Variants in LYPLA1 observed in about 807,000 individuals in gnomAD.
The protein encoded by LYPLA1 is lysophospholipase 1.
Under a neutral mutation model 34.0 loss-of-function variants are expected in LYPLA1, and 17 were observed. That is an observed-to-expected ratio of 0.50 (90% confidence interval 0.34 to 0.75). The LOEUF is 0.75. Among genes scored for constraint, LYPLA1 ranks in the 30% least tolerant of loss-of-function variants. The pLI is 0.01. For missense variants in LYPLA1, 203 were observed against 288.8 expected, an observed-to-expected ratio of 0.70 and a Z score of 2.15; for synonymous variants, 98 against 100.8, an observed-to-expected ratio of 0.97 and a Z score of 0.17.
intron 2 of LYPLA1, among the ~76,000 whole-genome samples, chr8:54,066,944 C>T (rs1411159497): frequency 1.3e-5 from 2 of 152,030 alleles, no homozygotes; most frequent in Non-Finnish European, 2.9e-5. Flanking sequence ...CTGAAGCATG[C>T]GGATCACTTG....
chr8:54,091,983 G>A (rs969151197), intron 2 of LYPLA1, among the ~76,000 whole-genome samples: 1 of 151,818 alleles, frequency 6.6e-6, no homozygotes, highest in Non-Finnish European at 1.5e-5. Context: ...AGTCACTTGG[G>A]AGGCTGAACC....
intron 2 of LYPLA1, among the ~76,000 whole-genome samples, chr8:54,084,124 G>GGAAAAAAAAAAAAAAA (rs1554547911): frequency 3.5e-5 from 2 of 56,386 alleles, no homozygotes; most frequent in Admixed American, 1.8e-4. Flanking sequence ...GGAGACCAAA[G>GGAAAAAAAAAAAAAAA]AAAAAAAAAA....
intron 4 of LYPLA1, among the ~76,000 whole-genome samples, chr8:54,063,026 C>T (rs1806775332): frequency 6.6e-6 from 1 of 152,088 alleles, no homozygotes; most frequent in Non-Finnish European, 1.5e-5. Flanking sequence ...GATGAAGAGG[C>T]TGTGGTTTAA....
rs763907447 is a variant in LYPLA1 at position 54,101,848 on chromosome 8, G to A, written c.-25C>T. 9.7e-6 allele frequency: 12 copies of A among 1,241,160 alleles called. No homozygotes were observed. In the East Asian group the frequency reaches 3.9e-4, roughly 40 times the overall value. 76.9% of individuals were successfully genotyped at this position (1,241,160 alleles called of 1,614,324 possible). ...TACACCGCCTCAGCTCACAGCGCAA[G>A]CGGAAGGAAGAGCGGGCGCCCGGCC... is the stretch of plus-strand genomic sequence containing the variant. On this transcript the variant is annotated 5_prime_UTR_variant, in exon 1 of 9. Transcript: ENST00000316963.
chr8:54,067,353 T>C (rs1368557553), intron 2 of LYPLA1, among the ~76,000 whole-genome samples: 1 of 152,076 alleles, frequency 6.6e-6, no homozygotes, highest in Non-Finnish European at 1.5e-5. Context: ...AAAAAAAAAT[T>C]TTTTAATCCA....
intron 2 of LYPLA1, among the ~76,000 whole-genome samples, chr8:54,090,398 G>T (rs1332290625): frequency 2.6e-5 from 4 of 152,118 alleles, no homozygotes; most frequent in African/African-American, 7.2e-5. Context: ...CTGTTTTAAG[G>T]CTCTATTAGA....
chr8:54,098,134 A>G (rs1314082032), intron 2 of LYPLA1, among the ~76,000 whole-genome samples: 1 of 151,968 alleles, frequency 6.6e-6, no homozygotes, highest in East Asian at 1.9e-4. Flanking sequence ...GAGGCAGGAG[A>G]GTTGCTTGAA....
At chr8:54,076,845 C>T (rs1009287821) in intron 2 of LYPLA1, among the ~76,000 whole-genome samples, 3 of 152,128 alleles carry the variant, frequency 2.0e-5, no homozygotes, top group African/African-American at 7.2e-5. Flanking sequence ...ATGCTAATGA[C>T]TGGCTTGCTG....
chr8:54,101,028 G>T lies in LYPLA1; in HGVS notation c.70-89C>A. ...CTAGCTTTGCTTAAGGTGGAAAACG[G>T]AACGAAACCTACGAGAGAATTACAC... On this transcript the variant is annotated intron_variant, in intron 1 of 8. Transcript: ENST00000316963. 5.5e-6 allele frequency: 6 copies of T among 1,091,256 alleles called. No individual in the cohort carries two copies. The South Asian group carries it at 7.9e-5, about 14-fold the overall frequency. 67.6% of individuals were successfully genotyped at this position (1,091,256 alleles called of 1,614,324 possible). A position where few individuals can be genotyped will look rare whatever the true frequency, so the allele number is the denominator to read the frequency against.
Position 54,060,689 on chromosome 8 carries a change from C to CTT in LYPLA1, c.286+1563_286+1564dup, listed in dbSNP as rs761596145. 1.6e-3 allele frequency among the ~76,000 whole-genome samples: 198 copies of CTT among 123,438 alleles called. 1 individual carries two copies. Among genetic ancestry groups the CTT allele is most frequent in the Non-Finnish European group, 1.8e-3 (108 of 61,102 alleles). The allele number at this position is 123,438 out of a possible 152,430, so 81.0% of individuals were successfully genotyped here. ...ACTAACATTAACAACTTTTTTCTTC[C>CTT]TTTTTTTTTTTTTTTTTTTTTGAGA... On this transcript the variant is annotated intron_variant, in intron 5 of 8. Coordinates refer to ENST00000316963, the MANE Select transcript of LYPLA1 (RefSeq NM_006330.4).
chr8:54,070,484 G>C (rs1472921513), intron 2 of LYPLA1, among the ~76,000 whole-genome samples: 1 of 152,180 alleles, frequency 6.6e-6, no homozygotes, highest in African/African-American at 2.4e-5. Flanking sequence ...GCACTTTGGG[G>C]AGGCCAAGGC....
intron 2 of LYPLA1, among the ~76,000 whole-genome samples, chr8:54,071,987 G>A (rs1457126279): frequency 6.6e-6 from 1 of 152,122 alleles, no homozygotes; most frequent in Admixed American, 6.6e-5. Context: ...TTCAAACTAT[G>A]CTACAGGGGT....
intron 2 of LYPLA1, chr8:54,073,690 A>C: frequency 2.8e-6 from 1 of 355,554 alleles, no homozygotes; most frequent in Non-Finnish European, 5.2e-6. Flanking sequence ...CCTTAAAATA[A>C]TGAATACATT....
intron 2 of LYPLA1, among the ~76,000 whole-genome samples, chr8:54,083,266 G>T (rs937649484): frequency 2.6e-5 from 4 of 152,100 alleles, no homozygotes; most frequent in African/African-American, 9.7e-5. Context: ...AATGTTAACA[G>T]GTAGCCCATA....
chr8:54,094,458 G>A (rs769141788), intron 2 of LYPLA1, among the ~76,000 whole-genome samples: 2 of 152,166 alleles, frequency 1.3e-5, no homozygotes, highest in African/African-American at 2.4e-5. Flanking sequence ...GGTTCCTCAC[G>A]GAATTACAAA....
In LYPLA1 at chr8:54,046,983, C is replaced by G. The variant is rs1371313925; in HGVS notation, c.*1082G>C. 1 of 152,092 alleles carries G rather than the reference C, an allele frequency of 6.6e-6. No individual in the cohort carries two copies. Among genetic ancestry groups the G allele is most frequent in the Non-Finnish European group, 1.5e-5 (1 of 67,984 alleles). 9.4% of individuals were successfully genotyped at this position (152,092 alleles called of 1,614,324 possible). On this transcript the variant is annotated 3_prime_UTR_variant, in exon 9 of 9. Transcript: ENST00000316963. ...ATAAAGCAAAAAATTACAATAGATT[C>G]CTCATCTTCTACAGTAGTTGGTTTC... is the stretch of plus-strand genomic sequence containing the variant.
At chr8:54,097,129 T>G (rs1809745727) in intron 2 of LYPLA1, among the ~76,000 whole-genome samples, 1 of 151,934 alleles carries the variant, frequency 6.6e-6, no homozygotes, top group Non-Finnish European at 1.5e-5. Context: ...TCACAAAGTA[T>G]CCCCCCGCAA....
intron 8 of LYPLA1, among the ~76,000 whole-genome samples, chr8:54,050,577 C>T (rs774216294): frequency 1.3e-5 from 2 of 152,168 alleles, no homozygotes; most frequent in Non-Finnish European, 2.9e-5. Context: ...CAAATCCCAC[C>T]GTTTTTCAAA....
intron 5 of LYPLA1, 151 bp downstream of exon 5, chr8:54,062,103 C>A: frequency 1.8e-6 from 1 of 551,202 alleles, no homozygotes; most frequent in Non-Finnish European, 3.2e-6. Flanking sequence ...GGTGACCCAC[C>A]CGCCTCTACT....
Sources: allele counts gnomAD v4.1 joint callset (sites outside exome capture counted in the v4.1 genomes callset), GRCh38; gene constraint gnomAD v4.1.1; transcripts MANE v1.5; gene names NCBI Gene and HGNC (gene_info 2026-07-23, HGNC 2026-07-21).